Variants in PCDH9 observed in about 807,000 individuals in gnomAD.
The protein encoded by PCDH9 is protocadherin 9.
Under a neutral mutation model 70.6 loss-of-function variants are expected in PCDH9, and 24 were observed. That is an observed-to-expected ratio of 0.34 (90% CI 0.25 to 0.48). The LOEUF (loss-of-function observed/expected upper bound fraction) is 0.48, where lower values mean the gene tolerates loss of function less well. PCDH9 is among the 20% of genes least tolerant of loss of function. PCDH9 has a pLI of 0.99. For synonymous variants in PCDH9, 562 were observed against 558.5 expected, an observed-to-expected ratio of 1.01 and a Z score of -0.09; for missense variants, 1,281 against 1,503.6, an observed-to-expected ratio of 0.85 and a Z score of 2.45.
chr13:67,056,862 T>G (rs1042533088), intron 2 of PCDH9, among the ~76,000 whole-genome samples: 1 of 152,154 alleles, frequency 6.6e-6, no homozygotes, highest in Non-Finnish European at 1.5e-5. Context: ...ACAGGAAGGA[T>G]AGATTCAACT....
At chr13:66,453,514 TG>T (rs1284675432) in intron 4 of PCDH9, among the ~76,000 whole-genome samples, 1 of 142,702 alleles carries the variant, frequency 7.0e-6, no homozygotes, top group Non-Finnish European at 1.6e-5. Context: ...AAGGCAGACT[TG>T]TTCTTTGTTC....
At chr13:66,543,830 C>A (rs1179413425) in intron 4 of PCDH9, among the ~76,000 whole-genome samples, 3 of 152,130 alleles carry the variant, frequency 2.0e-5, no homozygotes, top group Non-Finnish European at 4.4e-5. Context: ...TGTCTCTAAG[C>A]AGAGATCATG....
At chr13:66,639,173 C>G (rs576815263) in intron 3 of PCDH9, among the ~76,000 whole-genome samples, 2 of 152,158 alleles carry the variant, frequency 1.3e-5, no homozygotes, top group Admixed American at 6.5e-5. Flanking sequence ...ACTTACTGCT[C>G]TTTTAACCAG....
At chr13:66,948,934 A>T (rs2083133523) in intron 2 of PCDH9, among the ~76,000 whole-genome samples, 1 of 151,946 alleles carries the variant, frequency 6.6e-6, no homozygotes, top group Non-Finnish European at 1.5e-5. Flanking sequence ...TAGGGTGTCT[A>T]TTTTTGCATA....
At chr13:67,049,290 T>G (rs536817289) in intron 2 of PCDH9, among the ~76,000 whole-genome samples, 138 of 152,314 alleles carry the variant, frequency 9.1e-4, no homozygotes, top group African/African-American at 3.2e-3. Context: ...CAGTTCTGAT[T>G]AATGTTTTAT....
chr13:66,653,863 CAGGCTG>C (rs1452733107), intron 3 of PCDH9, among the ~76,000 whole-genome samples: 1 of 151,090 alleles, frequency 6.6e-6, no homozygotes, highest in Non-Finnish European at 1.5e-5. Flanking sequence ...AGCTACTTGG[CAGGCTG>C]AGGCAGGAGA....
chr13:66,893,113 AAAT>A (rs1226021205), intron 3 of PCDH9, among the ~76,000 whole-genome samples: 1 of 152,168 alleles, frequency 6.6e-6, no homozygotes, highest in Non-Finnish European at 1.5e-5. Context: ...AAACAAATGT[AAAT>A]AAGATTAATT....
At chr13:66,646,157 G>C (rs538811532) in intron 3 of PCDH9, among the ~76,000 whole-genome samples, 1 of 152,300 alleles carries the variant, frequency 6.6e-6, no homozygotes, top group East Asian at 1.9e-4. Context: ...AAAGCTTCTA[G>C]AGTTCTCTTA....
chr13:66,497,941 C>T (rs774509153), intron 4 of PCDH9, among the ~76,000 whole-genome samples: 23 of 150,864 alleles, frequency 1.5e-4, no homozygotes, highest in Non-Finnish European at 3.1e-4. Context: ...GCCTCAGCCT[C>T]CCCAAGTAGC....
chr13:67,225,279 G>A, intron 2 of PCDH9, 126 bp downstream of exon 2: 1 of 1,266,706 alleles, frequency 7.9e-7, no homozygotes. Context: ...AAGGGGTCAA[G>A]TTTTTTTTTA....
At chr13:66,716,301 A>C (rs148379996) in intron 3 of PCDH9, among the ~76,000 whole-genome samples, 16 of 152,344 alleles carry the variant, frequency 1.1e-4, no homozygotes, top group East Asian at 3.9e-4. Flanking sequence ...TGTGCTATAC[A>C]TTACATTCAG....
chr13:67,112,509 T>C (rs1479605077), intron 2 of PCDH9, among the ~76,000 whole-genome samples: 1 of 152,166 alleles, frequency 6.6e-6, no homozygotes, highest in African/African-American at 2.4e-5. Flanking sequence ...GCACTGGGTC[T>C]TCTGTGCCTA....
chr13:66,559,400 T>C (rs762234876), intron 4 of PCDH9, among the ~76,000 whole-genome samples: 1 of 152,192 alleles, frequency 6.6e-6, no homozygotes, highest in Non-Finnish European at 1.5e-5. Flanking sequence ...TATGTTGTCT[T>C]ATATAATCCT....
intron 4 of PCDH9, among the ~76,000 whole-genome samples, chr13:66,610,436 A>G (rs940866460): frequency 2.0e-5 from 3 of 152,150 alleles, no homozygotes; most frequent in African/African-American, 7.2e-5. Flanking sequence ...CCTTTTGAAC[A>G]ATAAATGAAC....
chr13:66,754,201 C>T (rs1295920685), intron 3 of PCDH9, among the ~76,000 whole-genome samples: 1 of 151,962 alleles, frequency 6.6e-6, no homozygotes, highest in African/African-American at 2.4e-5. Context: ...GGGAGGGGAA[C>T]ATCACGCACC....
rs575488922 is a variant in PCDH9 at position 66,416,448 on chromosome 13, C to T, written c.3341-111420G>A. ...CAGTAGACTTCAAGATGTAATATTACACCCAATGTCTTCCAGAAATCTAAT... is the reference window on the plus strand; with the variant it reads ...CAGTAGACTTCAAGATGTAATATTATACCCAATGTCTTCCAGAAATCTAAT... On this transcript the variant is annotated intron_variant, in intron 4 of 4. Coordinates refer to ENST00000377865, the MANE Select transcript of PCDH9 (RefSeq NM_203487.3). 1.1e-4 allele frequency among the ~76,000 whole-genome samples: 16 copies of T among 152,188 alleles called. No individual in the cohort carries two copies. In the Middle Eastern group the frequency reaches 0.01, roughly 97 times the overall value.
intron 2 of PCDH9, among the ~76,000 whole-genome samples, chr13:67,028,658 G>A (rs1162137872): frequency 2.0e-5 from 3 of 152,038 alleles, no homozygotes; most frequent in African/African-American, 7.2e-5. Context: ...ACCCAAGGCT[G>A]TATGACTTAA....
intron 4 of PCDH9, among the ~76,000 whole-genome samples, chr13:66,535,116 T>C (rs1408578773): frequency 6.6e-6 from 1 of 152,026 alleles, no homozygotes; most frequent in Non-Finnish European, 1.5e-5. Flanking sequence ...AATTTTGACA[T>C]TCTGATTAAT....
At chr13:67,056,104 A>C (rs1283724988) in intron 2 of PCDH9, among the ~76,000 whole-genome samples, 1 of 152,222 alleles carries the variant, frequency 6.6e-6, no homozygotes, top group African/African-American at 2.4e-5. Flanking sequence ...TTAAAAGGTG[A>C]AGTTGCATAT....
Sources: allele counts gnomAD v4.1 joint callset (sites outside exome capture counted in the v4.1 genomes callset), GRCh38; gene constraint gnomAD v4.1.1; transcripts MANE v1.5; gene names NCBI Gene and HGNC (gene_info 2026-07-23, HGNC 2026-07-21).